Variants in RAB17 observed in about 807,000 individuals in gnomAD.
The protein encoded by RAB17 is RAB17, member RAS oncogene family, also known as ras-related protein Rab-17.
In RAB17, 15 loss-of-function variants were observed where a neutral mutation model predicts 19.3. The observed-to-expected ratio is 0.78, with a 90% confidence interval of 0.52 to 1.20. RAB17 has a LOEUF of 1.20. Among genes scored for constraint, RAB17 ranks in the 50% most tolerant of loss-of-function variants. The probability of loss-of-function intolerance (pLI) is 0.00; values close to 1 mark genes in which losing one functional copy is unlikely to be tolerated. For missense variants in RAB17, 262 were observed against 269.3 expected (o/e 0.97, Z 0.19); for synonymous variants, 110 against 112.8 (o/e 0.97, Z 0.16).
intron 2 of RAB17, chr2:237,578,595 T>A (rs1559395241): frequency 6.2e-6 from 1 of 160,472 alleles, no homozygotes. Context: ...GCAGTCACGA[T>A]TGCATAGGCT....
Position 237,585,988 on chromosome 2 carries a change from C to T in RAB17, c.157+10G>A. ...GAAGACCAACAAAGGGGTGCTCTGC[C>T]CTCACTTACAGCCCACCGTAGGCAG... is the stretch of plus-strand genomic sequence containing the variant. On this transcript the variant is annotated intron_variant, in intron 2 of 5. Transcript: ENST00000264601. 3 of 1,593,476 alleles carry T rather than the reference C, an allele frequency of 1.9e-6. No homozygotes were observed. Among genetic ancestry groups the T allele is most frequent in the Non-Finnish European group, 2.6e-6 (3 of 1,169,728 alleles).
rs3751112 is a variant in RAB17 at position 237,586,099 on chromosome 2, A to G, written c.56T>C (p.Val19Ala). Residue 19 changes from valine (V) to alanine (A), a missense_variant, in exon 2 of 6, where the codon GTG (valine) becomes GCG (alanine). Physicochemically the swap from Val to Ala is moderately conservative, Grantham distance 64 (BLOSUM62 0). Transcript: ENST00000264601. ...ACTTCCCAGGAGAACCAGCTTGAAC[A>G]CACGGGGCTGGCTGGGGGCAGCCCT... ...QPRAAPSQPR[V>A]FKLVLLGSGS... 0.2 allele frequency: 323,712 copies of G among 1,612,320 alleles called. 37,876 individuals carry two copies. Among genetic ancestry groups the G allele is most frequent in the African/African-American group, 0.51 (38,092 of 74,824 alleles).
chr2:237,584,958 C>CCTT (rs1378229015), intron 2 of RAB17, among the ~76,000 whole-genome samples: 2 of 152,214 alleles, frequency 1.3e-5, no homozygotes, highest in Non-Finnish European at 2.9e-5. Context: ...TCACCCTGGC[C>CCTT]CTTCTCACCA....
intron 4 of RAB17, 37 bp downstream of exon 4, chr2:237,577,220 G>A (rs748270743): frequency 6.3e-7 from 1 of 1,590,400 alleles, no homozygotes; most frequent in East Asian, 2.2e-5. Context: ...GCTCTCTCCT[G>A]CTGTGGAAGA....
chr2:237,587,721 C>T lies in RAB17; in HGVS notation c.-3-1564G>A, dbSNP rs181602733. 6.6e-5 allele frequency among the ~76,000 whole-genome samples: 10 copies of T among 151,906 alleles called. No individual in the cohort carries two copies. The East Asian group carries it at 1.9e-3, about 29-fold the overall frequency. On this transcript the variant is annotated intron_variant, in intron 1 of 5. Coordinates refer to ENST00000264601, the MANE Select transcript of RAB17 (RefSeq NM_022449.4). Reference sequence around the variant, plus strand: ...AGTAGACTCGGGTGGTTATCCCAAACATGCCTGGAACCCCATCTTAGCTGG... The same window carrying T: ...AGTAGACTCGGGTGGTTATCCCAAATATGCCTGGAACCCCATCTTAGCTGG...
intron 1 of RAB17, 55 bp from the exon 2 acceptor site, chr2:237,586,212 C>A: frequency 1.3e-6 from 2 of 1,518,580 alleles, no homozygotes; most frequent in Non-Finnish European, 1.8e-6. Flanking sequence ...CACATCATCT[C>A]AGCAAGCTCA....
At chr2:237,588,491 C>T (rs1196227793) in intron 1 of RAB17, among the ~76,000 whole-genome samples, 4 of 152,170 alleles carry the variant, frequency 2.6e-5, no homozygotes, top group Non-Finnish European at 5.9e-5. Context: ...ATGATCCGCT[C>T]AAGTCAGCTG....
chr2:237,578,139 C>G lies in RAB17; in HGVS notation c.174G>C (p.Lys58Asn), dbSNP rs1450425201. ...LPTVGCAFFT[K>N]VVDVGATSLK... ...GAGAGGTGGCACCCACATCCACCAC[C>G]TTTGTGAAGAACGCACCTGAAACAG... The change falls in exon 3 of 6, where the codon AAG (lysine) becomes AAC (asparagine). Residue 58 changes from lysine (K) to asparagine (N), a missense_variant. Coordinates refer to ENST00000264601, the MANE Select transcript of RAB17 (RefSeq NM_022449.4). 3 of 1,611,672 alleles carry G rather than the reference C, an allele frequency of 1.9e-6. No individual in the cohort carries two copies. The highest frequency in any genetic ancestry group is 2.5e-6 in the Non-Finnish European group (3 of 1,178,116).
At chr2:237,580,215 AT>A (rs1317955233) in intron 2 of RAB17, among the ~76,000 whole-genome samples, 1 of 152,240 alleles carries the variant, frequency 6.6e-6, no homozygotes, top group Non-Finnish European at 1.5e-5. Context: ...GAAAGGGCAT[AT>A]GAATTTTGCT....
intron 2 of RAB17, among the ~76,000 whole-genome samples, 153 bp downstream of exon 2, chr2:237,585,845 T>C (rs2081345509): frequency 6.6e-6 from 1 of 152,058 alleles, no homozygotes; most frequent in African/African-American, 2.4e-5. Context: ...CTCTTGGACC[T>C]CACCCCCTCC....
chr2:237,574,999 G>A lies in RAB17; in HGVS notation c.*20C>T. 1 of 1,557,042 alleles carries A rather than the reference G, an allele frequency of 6.4e-7. No individual in the cohort carries two copies. The highest frequency in any genetic ancestry group is 8.7e-7 in the Non-Finnish European group (1 of 1,143,172). ...CCAGGCAGGGGGTGTCTTCCCCACA[G>A]CCCCCAGGAGTGGCTGCACCTAGTG... On this transcript the variant is annotated 3_prime_UTR_variant, in exon 6 of 6. Transcript: ENST00000264601.
intron 2 of RAB17, among the ~76,000 whole-genome samples, chr2:237,582,115 C>T (rs1402469071): frequency 6.6e-6 from 1 of 152,270 alleles, no homozygotes; most frequent in Admixed American, 6.5e-5. Context: ...GTCCGTTCTG[C>T]CTCTGCTCCT....
intron 4 of RAB17, among the ~76,000 whole-genome samples, chr2:237,576,978 C>T (rs1359718101): frequency 2.0e-5 from 3 of 152,074 alleles, no homozygotes. Context: ...CAGGAAAGAC[C>T]GGAAATCTTT....
chr2:237,586,193 C>T, intron 1 of RAB17, 36 bp from the exon 2 acceptor site: 1 of 1,547,140 alleles, frequency 6.5e-7, no homozygotes, highest in East Asian at 2.4e-5. Flanking sequence ...GCAAGTGGAA[C>T]ATCGGAGCCA....
chr2:237,577,892 C>T (rs981005102), intron 3 of RAB17, 112 bp downstream of exon 3: 35 of 1,245,748 alleles, frequency 2.8e-5, no homozygotes, highest in African/African-American at 9.0e-5. Flanking sequence ...GACTGTTGCT[C>T]ACTAATGGAG....
chr2:237,578,031 C>T lies in RAB17; in HGVS notation c.282G>A (p.Ala94=), dbSNP rs760254887. 5.6e-6 allele frequency: 9 copies of T among 1,610,552 alleles called. No individual in the cohort carries two copies. The highest frequency in any genetic ancestry group is 3.3e-5 in the Admixed American group (2 of 59,926). The change falls in exon 3 of 6, where the codon GCG becomes GCA. Residue 94 remains alanine (A), a synonymous_variant. Transcript: ENST00000264601. Reference sequence around the variant, plus strand: ...TCCTGGTGATGTCGTACACCAGAAGCGCAGCGTTGGCACCCCTGAAGTAGA... The same window carrying T: ...TCCTGGTGATGTCGTACACCAGAAGTGCAGCGTTGGCACCCCTGAAGTAGA... The part of the protein sequence containing the change: ...CHLYFRGANA[A]LLVYDITRKD...
At chr2:237,577,123 G>A in intron 4 of RAB17, 134 bp downstream of exon 4, 2 of 1,056,008 alleles carry the variant, frequency 1.9e-6, no homozygotes, top group Non-Finnish European at 2.7e-6. Context: ...GCGTGTAGAG[G>A]TGTGTGTGCA....
intron 3 of RAB17, chr2:237,577,636 C>T: frequency 2.0e-6 from 1 of 493,894 alleles, no homozygotes; most frequent in Non-Finnish European, 3.6e-6. Flanking sequence ...CAGGAGACTG[C>T]CAGCCACGGG....
rs1311672903 is a variant in RAB17, at chr2:237,574,536, C to A, written c.*483G>T. ...CACCAAGATGTGGAAATCCTGGGCC[C>A]ACCCCACAGTCAGTCATCGCTCCAT... On this transcript the variant is annotated 3_prime_UTR_variant, in exon 6 of 6. Transcript: ENST00000264601. The A allele has an allele frequency of 1.3e-6, 2 of 1,550,370 alleles. No homozygotes were observed.
Sources: gnomAD v4.1 joint callset for allele counts (sites outside exome capture counted in the v4.1 genomes callset) on GRCh38, gnomAD v4.1.1 for gene constraint, MANE v1.5 for transcripts, NCBI Gene and HGNC (gene_info 2026-07-23, HGNC 2026-07-21) for gene names.